Variants in LARP1 observed in about 807,000 individuals in gnomAD.
LARP1 encodes the protein la-related protein 1.
In LARP1, 36 loss-of-function variants were observed where a neutral mutation model predicts 122.7. The ratio of observed to expected loss-of-function variants is 0.29; its 90% CI spans 0.22 to 0.39. The LOEUF is 0.39. LARP1 is among the 10% of genes least tolerant of loss of function. The probability of loss-of-function intolerance (pLI) is 1.00; values close to 1 mark genes in which losing one functional copy is unlikely to be tolerated. For synonymous variants in LARP1, 539 were observed against 528.7 expected (o/e 1.02, Z -0.27); for missense variants, 1,040 against 1,403.6 (o/e 0.74, Z 4.14).
chr5:154,744,123 G>A (rs1275882703), intron 1 of LARP1, among the ~76,000 whole-genome samples: 5 of 152,118 alleles, frequency 3.3e-5, no homozygotes, highest in African/African-American at 1.2e-4. Context: ...CAAAGGAAAG[G>A]CCTGGGGGAA....
intron 1 of LARP1, among the ~76,000 whole-genome samples, chr5:154,703,402 C>G (rs188940043): frequency 3.2e-4 from 48 of 152,038 alleles, no homozygotes; most frequent in African/African-American, 1.1e-3. Context: ...TGACTGGGGC[C>G]CCTTTGCCAT....
intron 1 of LARP1, chr5:154,756,534 T>C (rs1443404830): frequency 1.0e-6 from 1 of 984,094 alleles, no homozygotes; most frequent in Admixed American, 6.1e-5. Context: ...TAAGAGACGG[T>C]TTCTGGTTTG....
At chr5:154,715,922 G>A (rs575132342) in intron 1 of LARP1, among the ~76,000 whole-genome samples, 2 of 152,238 alleles carry the variant, frequency 1.3e-5, no homozygotes, top group African/African-American at 2.4e-5. Context: ...CCATTTTACA[G>A]GAGAGAGTAT....
At chr5:154,721,532 G>A (rs537655862) in intron 1 of LARP1, among the ~76,000 whole-genome samples, 40 of 152,090 alleles carry the variant, frequency 2.6e-4, no homozygotes, top group Non-Finnish European at 5.0e-4. Context: ...GGGAGGCCAG[G>A]GAAAGGAGCT....
At chr5:154,788,397 G>A (rs916214761) in intron 1 of LARP1, among the ~76,000 whole-genome samples, 1 of 152,154 alleles carries the variant, frequency 6.6e-6, no homozygotes. Context: ...TCCGGTAGGG[G>A]GTGGAAGCCA....
At chr5:154,758,840 T>G (rs979023551) in intron 1 of LARP1, among the ~76,000 whole-genome samples, 1 of 152,226 alleles carries the variant, frequency 6.6e-6, no homozygotes, top group African/African-American at 2.4e-5. Flanking sequence ...TTTCGTGATA[T>G]CTCTACTTTC....
chr5:154,754,930 A>G (rs1347199728), upstream of LARP1, among the ~76,000 whole-genome samples: 1 of 152,084 alleles, frequency 6.6e-6, no homozygotes, highest in Non-Finnish European at 1.5e-5. Context: ...TGAATCTGAC[A>G]CCCAGCCTAA....
intron 1 of LARP1, among the ~76,000 whole-genome samples, chr5:154,761,979 C>T (rs1187953735): frequency 6.6e-6 from 1 of 152,182 alleles, no homozygotes; most frequent in East Asian, 1.9e-4. Context: ...CGGGGGTTCA[C>T]ACCTGTAATC....
chr5:154,783,700 C>T (rs552784011), intron 1 of LARP1, among the ~76,000 whole-genome samples: 2 of 152,184 alleles, frequency 1.3e-5, no homozygotes, highest in East Asian at 1.9e-4. Flanking sequence ...TAATTCAACA[C>T]GATCAAGATT....
intron 1 of LARP1, among the ~76,000 whole-genome samples, chr5:154,716,162 C>T (rs918875837): frequency 6.6e-6 from 1 of 152,098 alleles, no homozygotes; most frequent in South Asian, 2.1e-4. Context: ...CTCTGTTGCC[C>T]AGGTTGAAGT....
intron 1 of LARP1, among the ~76,000 whole-genome samples, chr5:154,685,200 C>T (rs923375668): frequency 4.0e-5 from 6 of 151,186 alleles, no homozygotes; most frequent in Admixed American, 2.0e-4. Flanking sequence ...GCTGAGATCG[C>T]GCCACTGCAC....
intron 1 of LARP1, among the ~76,000 whole-genome samples, chr5:154,764,470 G>A (rs1216111264): frequency 6.6e-6 from 1 of 151,048 alleles, no homozygotes; most frequent in Non-Finnish European, 1.5e-5. Context: ...GTGTGGTGGT[G>A]CATTCCTGTG....
chr5:154,742,387 C>A (rs1474292254), intron 1 of LARP1, among the ~76,000 whole-genome samples: 2 of 152,130 alleles, frequency 1.3e-5, no homozygotes, highest in African/African-American at 4.8e-5. Flanking sequence ...CATGGCGAAA[C>A]CCCATCTCTA....
intron 1 of LARP1, among the ~76,000 whole-genome samples, chr5:154,762,141 G>A (rs762946555): frequency 6.6e-6 from 1 of 152,104 alleles, no homozygotes; most frequent in African/African-American, 2.4e-5. Context: ...TACTCAGGAG[G>A]CTGAGGCAGG....
chr5:154,755,929 C>A lies in LARP1; in HGVS notation c.172C>A (p.Pro58Thr). ...EPDGSARRPR[P>T]PCAKPHKEGT... ...GGACGGCAGCGCTCGGAGACCCCGG[C>A]CGCCCTGCGCCAAGCCGCACAAGGA... Residue 58 changes from proline (P) to threonine (T), a missense_variant, in exon 1 of 19, where the codon CCG (proline) becomes ACG (threonine). This residue lies in a region of LARP1 where 257 missense variants were observed against 273.3 expected (regional missense o/e 0.94). Coordinates refer to ENST00000518297, the MANE Select transcript of LARP1 (RefSeq NM_033551.3). The A allele has an allele frequency of 1.0e-6, 1 of 1,000,400 alleles. No individual in the cohort carries two copies. Among genetic ancestry groups the A allele is most frequent in the African/African-American group, 1.7e-5 (1 of 57,422 alleles). 62.0% of individuals were successfully genotyped at this position (1,000,400 alleles called of 1,614,324 possible). A position where few individuals can be genotyped will look rare whatever the true frequency, so the allele number is the denominator to read the frequency against.
exon 1 of LARP1, chr5:154,712,979 G>A (rs770781641): frequency 6.2e-7 from 1 of 1,614,190 alleles, no homozygotes; most frequent in Non-Finnish European, 8.5e-7. Flanking sequence ...ACCCAGAGCT[G>A]GATTTCCAAG....
intron 1 of LARP1, among the ~76,000 whole-genome samples, chr5:154,749,976 G>C (rs1178771665): frequency 6.6e-6 from 1 of 152,112 alleles, no homozygotes; most frequent in Non-Finnish European, 1.5e-5. Flanking sequence ...CTTCCTGCCT[G>C]TAAGCCAGAT....
intron 1 of LARP1, among the ~76,000 whole-genome samples, chr5:154,769,876 C>T (rs1407522661): frequency 1.3e-5 from 2 of 152,118 alleles, no homozygotes; most frequent in African/African-American, 4.8e-5. Flanking sequence ...GATAAGGAGA[C>T]TGGTGGTGAA....
chr5:154,731,775 A>G (rs1449618806), intron 1 of LARP1, among the ~76,000 whole-genome samples: 1 of 152,128 alleles, frequency 6.6e-6, no homozygotes, highest in Non-Finnish European at 1.5e-5. Context: ...CACGTCTGTA[A>G]TCCCAGCACT....
Sources: gnomAD v4.1 joint callset for allele counts (sites outside exome capture counted in the v4.1 genomes callset) on GRCh38, gnomAD v4.1.1 for gene constraint, gnomAD v4.1.1 regional missense constraint, MANE v1.5 for transcripts, NCBI Gene and HGNC (gene_info 2026-07-23, HGNC 2026-07-21) for gene names.